The following MACIR variants were observed in gnomAD, a reference collection of about 807,000 sequenced individuals.
MACIR encodes the protein UNC119-binding protein C5orf30.
A neutral mutation model predicts 14.3 loss-of-function variants in MACIR; 4 were observed. The observed-to-expected ratio is 0.28, with a 90% CI of 0.14 to 0.64. The LOEUF is 0.64. MACIR is among the 30% of genes least tolerant of loss of function. The probability of loss-of-function intolerance (pLI) is 0.83; values close to 1 mark genes in which losing one functional copy is unlikely to be tolerated. For synonymous variants in MACIR, 101 were observed against 102.4 expected, an observed-to-expected ratio of 0.99 and a Z score of 0.08; for missense variants, 228 against 257.6, an observed-to-expected ratio of 0.89 and a Z score of 0.79.
chr5:103,276,625 T>TC lies in MACIR; in HGVS notation c.*86dup, dbSNP rs1805345657. 1 of 1,264,582 alleles carries TC rather than the reference T, an allele frequency of 7.9e-7. No homozygotes were observed. The highest frequency in any genetic ancestry group is 2.3e-5 in the East Asian group (1 of 42,902). 78.3% of individuals were successfully genotyped at this position (1,264,582 alleles called of 1,614,324 possible). The stretch of plus-strand genomic sequence containing the variant: ...ACTGCTGTACTCTGTACATGACTCT[T>TC]CACACTATAGATGGTTATATCAGCT... On this transcript the variant is annotated 3_prime_UTR_variant, in exon 3 of 3. Coordinates refer to ENST00000319933, the MANE Select transcript of MACIR (RefSeq NM_033211.4).
intron 2 of MACIR, among the ~76,000 whole-genome samples, chr5:103,266,237 TTTCC>T (rs1465992616): frequency 6.6e-6 from 1 of 152,120 alleles, no homozygotes; most frequent in African/African-American, 2.4e-5. Context: ...TTGGCTAAGT[TTTCC>T]TTCCTTTAAA....
At chr5:103,261,511 A>G (rs1198611329) in intron 1 of MACIR, among the ~76,000 whole-genome samples, 1 of 152,076 alleles carries the variant, frequency 6.6e-6, no homozygotes, top group East Asian at 1.9e-4. Context: ...GGTCTTTGAG[A>G]TTAGTGGTTA....
At position 103,278,596 on chromosome 5, in the gene MACIR, T is replaced by C. The variant is rs1214949838; in HGVS notation, c.*2056T>C. 4.2e-5 allele frequency: 7 copies of C among 167,108 alleles called. No homozygotes were observed. The highest frequency in any genetic ancestry group is 1.4e-4 in the African/African-American group (6 of 41,468). 10.4% of individuals were successfully genotyped at this position (167,108 alleles called of 1,614,324 possible). A position where few individuals can be genotyped will look rare whatever the true frequency, so the allele number is the denominator to read the frequency against. ...ATTAGGAAACACAACTGGTTACCTATGAGACCTGTTCTGTCCGTGTGCCTA... is the reference window on the plus strand; with the variant it reads ...ATTAGGAAACACAACTGGTTACCTACGAGACCTGTTCTGTCCGTGTGCCTA... On this transcript the variant is annotated 3_prime_UTR_variant, in exon 3 of 3. Coordinates refer to ENST00000319933, the MANE Select transcript of MACIR (RefSeq NM_033211.4).
At chr5:103,262,333 C>T (rs762261485) in intron 1 of MACIR, among the ~76,000 whole-genome samples, 1 of 152,080 alleles carries the variant, frequency 6.6e-6, no homozygotes, top group Non-Finnish European at 1.5e-5. Context: ...GGGAATTCAC[C>T]GTTCAAGCAG....
intron 2 of MACIR, among the ~76,000 whole-genome samples, chr5:103,273,721 C>T (rs538852572): frequency 7.0e-6 from 1 of 142,030 alleles, no homozygotes; most frequent in East Asian, 2.0e-4. Context: ...AAATTTTTTC[C>T]CTCGTAGACA....
intron 2 of MACIR, among the ~76,000 whole-genome samples, chr5:103,271,197 G>A (rs1478371370): frequency 2.6e-5 from 4 of 152,068 alleles, no homozygotes; most frequent in Non-Finnish European, 5.9e-5. Flanking sequence ...CAGGTATTAG[G>A]ATACGGTGTT....
intron 2 of MACIR, among the ~76,000 whole-genome samples, chr5:103,266,948 G>A (rs1804945974): frequency 6.6e-6 from 1 of 152,106 alleles, no homozygotes; most frequent in Non-Finnish European, 1.5e-5. Context: ...TCAGTTTTGA[G>A]GAAAAGAGTA....
chr5:103,272,993 T>C (rs1263922760), intron 2 of MACIR, among the ~76,000 whole-genome samples: 1 of 152,156 alleles, frequency 6.6e-6, no homozygotes, highest in African/African-American at 2.4e-5. Flanking sequence ...AGCAGCTATA[T>C]ATATTTAAAG....
chr5:103,265,398 C>T (rs1340688376), intron 1 of MACIR, among the ~76,000 whole-genome samples: 1 of 152,136 alleles, frequency 6.6e-6, no homozygotes, highest in African/African-American at 2.4e-5. Flanking sequence ...TTCATTTGAT[C>T]CATCTAACAA....
intron 1 of MACIR, among the ~76,000 whole-genome samples, chr5:103,261,054 C>T (rs1251063916): frequency 3.3e-5 from 5 of 152,160 alleles, no homozygotes; most frequent in African/African-American, 1.2e-4. Flanking sequence ...GATGACACCA[C>T]GTGATAAGAA....
In MACIR at chr5:103,275,926, G is replaced by A. The variant is rs1554237601; in HGVS notation, c.7G>A (p.Val3Ile). ...GTGCAGACTGGTGCTTAAAATGGAA[G>A]TCGATATTAATGGAGAGTCTAGAAG... ME[V>I]DINGESRSTL... is the part of the protein sequence containing the mutation. Residue 3 changes from valine to isoleucine, a missense_variant, in exon 3 of 3, where the codon GTC (valine) becomes ATC (isoleucine). Val to Ile is a conservative substitution (Grantham distance 29). Transcript: ENST00000319933. 1.4e-5 allele frequency: 23 copies of A among 1,609,676 alleles called. No individual in the cohort carries two copies. The highest frequency in any genetic ancestry group is 2.0e-5 in the Non-Finnish European group (23 of 1,177,366).
At chr5:103,261,051 C>T (rs1455583534) in intron 1 of MACIR, among the ~76,000 whole-genome samples, 2 of 152,134 alleles carry the variant, frequency 1.3e-5, no homozygotes, top group Admixed American at 1.3e-4. Flanking sequence ...AAGGATGACA[C>T]CACGTGATAA....
At chr5:103,261,690 CTTTCTTTCTTTCTTCCTTT>C (rs1562545827) in intron 1 of MACIR, among the ~76,000 whole-genome samples, 20 of 120,230 alleles carry the variant, frequency 1.7e-4, no homozygotes, top group African/African-American at 3.8e-4. Context: ...TTCTTTCTTT[CTTTCTTTCTTTCTTCCTTT>C]CTTTCTTTCT....
intron 2 of MACIR, among the ~76,000 whole-genome samples, chr5:103,267,919 G>C (rs1193239045): frequency 1.3e-5 from 2 of 151,878 alleles, no homozygotes; most frequent in African/African-American, 4.8e-5. Context: ...ATTGATTCTG[G>C]CAAATAGTTT....
At chr5:103,271,449 T>G (rs1805122115) in intron 2 of MACIR, among the ~76,000 whole-genome samples, 1 of 152,136 alleles carries the variant, frequency 6.6e-6, no homozygotes, top group African/African-American at 2.4e-5. Flanking sequence ...TTGGACCTAT[T>G]TGCTTTAGTT....
Position 103,276,434 on chromosome 5 carries a change from A to G in MACIR, c.515A>G (p.Asn172Ser). The G allele has an allele frequency of 1.9e-6, 3 of 1,614,050 alleles. No individual in the cohort carries two copies. The highest frequency in any genetic ancestry group is 2.5e-6 in the Non-Finnish European group (3 of 1,180,010). Residue 172 changes from asparagine (N) to serine (S), a missense_variant, in exon 3 of 3, where the codon AAT becomes AGT. By Grantham distance (46) the Asn-to-Ser change is conservative. Coordinates refer to ENST00000319933, the MANE Select transcript of MACIR (RefSeq NM_033211.4). Reference protein sequence around the residue: ...RAHSKSLDYLNLDKMIKEPAD... With the variant: ...RAHSKSLDYLSLDKMIKEPAD... ...CACTCCAAATCTCTGGACTACCTCA[A>G]TCTAGATAAAATGATCAAGGAGCCA...
chr5:103,262,709 A>G (rs782343329), intron 1 of MACIR, among the ~76,000 whole-genome samples: 2 of 151,954 alleles, frequency 1.3e-5, no homozygotes, highest in Non-Finnish European at 2.9e-5. Context: ...GTTTTTTCCT[A>G]TTTTTATTGC....
intron 1 of MACIR, among the ~76,000 whole-genome samples, chr5:103,262,004 C>A (rs1451341138): frequency 6.6e-6 from 1 of 152,056 alleles, no homozygotes; most frequent in Non-Finnish European, 1.5e-5. Flanking sequence ...GTGATCTGTG[C>A]TGAAGCTTGA....
chr5:103,265,173 G>A (rs1384316677), intron 1 of MACIR, among the ~76,000 whole-genome samples: 2 of 152,084 alleles, frequency 1.3e-5, no homozygotes, highest in African/African-American at 2.4e-5. Flanking sequence ...CTTAAGTAAG[G>A]TGGTAACTAT....
Sources: gnomAD v4.1 joint callset for allele counts (sites outside exome capture counted in the v4.1 genomes callset) on GRCh38, gnomAD v4.1.1 for gene constraint, MANE v1.5 for transcripts, NCBI Gene and HGNC (gene_info 2026-07-23, HGNC 2026-07-21) for gene names.